GLRX5: variants seen among roughly 807,000 people sequenced by gnomAD.
GLRX5 encodes glutaredoxin-related protein 5, mitochondrial.
GLRX5 carries 10 observed loss-of-function variants against 13.8 expected under a neutral mutation model. That is an observed-to-expected ratio of 0.72 (90% CI 0.45 to 1.23). GLRX5 has a LOEUF of 1.23. Among genes scored for constraint, GLRX5 ranks in the 50% most tolerant of loss-of-function variants. The probability of loss-of-function intolerance (pLI) is 0.00; values close to 1 mark genes in which losing one functional copy is unlikely to be tolerated. For synonymous variants in GLRX5, 98 were observed against 101.1 expected (o/e 0.97, Z 0.18); for missense variants, 233 against 215.2 (o/e 1.08, Z -0.52).
At chr14:95,537,572 A>G (rs1891402761) in intron 1 of GLRX5, among the ~76,000 whole-genome samples, 1 of 152,234 alleles carries the variant, frequency 6.6e-6, no homozygotes, top group Non-Finnish European at 1.5e-5. Flanking sequence ...TCTTCCCTAT[A>G]CAGCTTTATT....
chr14:95,535,540 C>T (rs1480243026), intron 1 of GLRX5, among the ~76,000 whole-genome samples, 156 bp downstream of exon 1: 1 of 152,200 alleles, frequency 6.6e-6, no homozygotes, highest in Non-Finnish European at 1.5e-5. Context: ...GGAGTACTGC[C>T]CTGGAGTAGA....
chr14:95,543,240 A>G (rs908264393), intron 1 of GLRX5: 6 of 454,072 alleles, frequency 1.3e-5, no homozygotes, highest in Non-Finnish European at 2.7e-5. Flanking sequence ...CTCATCATCC[A>G]CTCCACAGAG....
intron 1 of GLRX5, among the ~76,000 whole-genome samples, chr14:95,537,395 G>T (rs1176650820): frequency 6.6e-6 from 1 of 152,210 alleles, no homozygotes; most frequent in Admixed American, 6.5e-5. Context: ...TCATCAGATT[G>T]CTATTTTGGT....
intron 1 of GLRX5, among the ~76,000 whole-genome samples, chr14:95,539,561 T>G (rs1444169496): frequency 6.6e-6 from 1 of 152,202 alleles, no homozygotes; most frequent in Non-Finnish European, 1.5e-5. Flanking sequence ...CAGATATGTG[T>G]GCAGTGCACT....
intron 1 of GLRX5, chr14:95,543,035 C>G (rs1166363672): frequency 4.4e-6 from 2 of 455,960 alleles, no homozygotes; most frequent in East Asian, 6.9e-5. Context: ...CACAGAGTGT[C>G]CCTCATCTCA....
rs764758233 is a variant in GLRX5 at position 95,535,317 on chromosome 14, C to G, written c.228C>G (p.Ile76Met). ...QCGFSNAVVQILRLHGVRDYA... is the reference protein window; with the variant it reads ...QCGFSNAVVQMLRLHGVRDYA... ...GCTTCAGCAACGCCGTGGTGCAGATCCTGCGGCTGCACGGCGTCCGCGATT... is the reference window on the plus strand; with the variant it reads ...GCTTCAGCAACGCCGTGGTGCAGATGCTGCGGCTGCACGGCGTCCGCGATT... The change falls in exon 1 of 2, where the codon ATC becomes ATG. Residue 76 changes from isoleucine to methionine, a missense_variant. By Grantham distance (10) the Ile-to-Met change is conservative. Transcript: ENST00000331334. The G allele has an allele frequency of 3.2e-6, 5 of 1,556,896 alleles. No homozygotes were observed. The South Asian group carries it at 5.9e-5, about 18-fold the overall frequency.
chr14:95,535,345 G>T lies in GLRX5; in HGVS notation c.256G>T (p.Ala86Ser). 1.9e-6 allele frequency: 3 copies of T among 1,553,708 alleles called. No homozygotes were observed. Among genetic ancestry groups the T allele is most frequent in the Middle Eastern group, 3.4e-4 (2 of 5,898 alleles). The change falls in exon 1 of 2, where the codon GCG becomes TCG. Residue 86 changes from alanine (A) to serine (S), a missense_variant. Coordinates refer to ENST00000331334, the MANE Select transcript of GLRX5 (RefSeq NM_016417.3). ...GCGGCTGCACGGCGTCCGCGATTACGCGGCCTACAACGTGCTGGACGACCC... is the reference window on the plus strand; with the variant it reads ...GCGGCTGCACGGCGTCCGCGATTACTCGGCCTACAACGTGCTGGACGACCC... ...ILRLHGVRDY[A>S]AYNVLDDPEL... is the part of the protein sequence containing the mutation.
chr14:95,544,183 C>A lies in GLRX5; in HGVS notation c.*58C>A. 1 of 1,475,470 alleles carries A rather than the reference C, an allele frequency of 6.8e-7. No individual in the cohort carries two copies. Among genetic ancestry groups the A allele is most frequent in the East Asian group, 2.3e-5 (1 of 42,920 alleles). The allele number at this position is 1,475,470 out of a possible 1,614,324, so 91.4% of individuals were successfully genotyped here. A position where few individuals can be genotyped will look rare whatever the true frequency, so the allele number is the denominator to read the frequency against. On this transcript the variant is annotated 3_prime_UTR_variant, in exon 2 of 2. Transcript: ENST00000331334. ...GCCGTTCATGTCAGAGACTCACTGC[C>A]AGAAAAGCCTTACCCATTTTGGTTT...
intron 1 of GLRX5, among the ~76,000 whole-genome samples, chr14:95,537,915 A>T (rs947438040): frequency 4.6e-5 from 7 of 152,248 alleles, no homozygotes; most frequent in African/African-American, 7.2e-5. Context: ...GAGTGCACAC[A>T]GAAGACAGTC....
intron 1 of GLRX5, among the ~76,000 whole-genome samples, chr14:95,537,139 A>G (rs1891394951): frequency 6.6e-6 from 1 of 152,198 alleles, no homozygotes; most frequent in Non-Finnish European, 1.5e-5. Context: ...TATCTCGCTT[A>G]GTATCATGTT....
Position 95,544,078 on chromosome 14 carries a change from AT to A in GLRX5, c.428del (p.Ile143ThrfsTer6). The part of the protein sequence containing the change: ...DLVEELKKLG[I>X]HSALLDEKKD... ...GGTGGAAGAACTGAAAAAGCTGGGG[AT>A]CCACTCCGCCCTTTTAGATGAAAAG... On this transcript the variant is annotated frameshift_variant, in exon 2 of 2. Coordinates refer to ENST00000331334, the MANE Select transcript of GLRX5 (RefSeq NM_016417.3). LOFTEE classifies it high-confidence loss of function. The A allele has an allele frequency of 6.2e-7, 1 of 1,614,144 alleles. No individual in the cohort carries two copies. Among genetic ancestry groups the A allele is most frequent in the South Asian group, 1.1e-5 (1 of 91,086 alleles).
intron 1 of GLRX5, among the ~76,000 whole-genome samples, chr14:95,540,315 G>T (rs1034879073): frequency 4.6e-5 from 7 of 152,172 alleles, no homozygotes; most frequent in African/African-American, 1.4e-4. Flanking sequence ...GAGCATGTTG[G>T]TATGGAGAGA....
chr14:95,541,441 A>G (rs897368472), intron 1 of GLRX5, among the ~76,000 whole-genome samples: 1 of 152,346 alleles, frequency 6.6e-6, no homozygotes, highest in Non-Finnish European at 1.5e-5. Flanking sequence ...AAGGGTGCCA[A>G]CGTTTGGCCT....
chr14:95,535,460 C>T (rs1891354619), intron 1 of GLRX5, 76 bp downstream of exon 1: 1 of 1,390,006 alleles, frequency 7.2e-7, no homozygotes, highest in Non-Finnish European at 9.8e-7. Context: ...AGGGGTTCCG[C>T]CGCGCCGGGC....
chr14:95,537,293 C>T (rs1052695001), intron 1 of GLRX5, among the ~76,000 whole-genome samples: 4 of 152,054 alleles, frequency 2.6e-5, no homozygotes, highest in Non-Finnish European at 4.4e-5. Context: ...GTCTTTTATC[C>T]ACGTCTGGTG....
chr14:95,536,951 A>G (rs980602392), intron 1 of GLRX5, among the ~76,000 whole-genome samples: 2 of 152,140 alleles, frequency 1.3e-5, no homozygotes, highest in African/African-American at 4.8e-5. Flanking sequence ...GTCAACTAGT[A>G]TGCCACCAGT....
In GLRX5 at chr14:95,535,303, G is replaced by C; in HGVS notation, c.214G>C (p.Ala72Pro). 6.4e-7 allele frequency: 1 copy of C among 1,561,344 alleles called. No individual in the cohort carries two copies. The highest frequency in any genetic ancestry group is 1.3e-5 in the African/African-American group (1 of 74,220). The part of the protein sequence containing the change: ...PEQPQCGFSN[A>P]VVQILRLHGV... ...GCAGCCCCAGTGCGGCTTCAGCAACGCCGTGGTGCAGATCCTGCGGCTGCA... is the reference window on the plus strand; with the variant it reads ...GCAGCCCCAGTGCGGCTTCAGCAACCCCGTGGTGCAGATCCTGCGGCTGCA... Residue 72 changes from alanine to proline, a missense_variant, in exon 1 of 2, where the codon GCC (alanine) becomes CCC (proline). Ala to Pro is a conservative substitution (Grantham distance 27). Coordinates refer to ENST00000331334, the MANE Select transcript of GLRX5 (RefSeq NM_016417.3).
chr14:95,535,104 C>G lies in GLRX5; in HGVS notation c.15C>G (p.Leu5=), dbSNP rs1170456814. Residue 5 remains leucine (L), a synonymous_variant, in exon 1 of 2, where the codon CTC becomes CTG. Transcript: ENST00000331334. The part of the protein sequence containing the change: MSGS[L]GRAAAALLRW... ...TGCGTGCGGAGATGAGCGGGTCCCTCGGCCGAGCTGCGGCGGCTCTGCTCC... is the reference window on the plus strand; with the variant it reads ...TGCGTGCGGAGATGAGCGGGTCCCTGGGCCGAGCTGCGGCGGCTCTGCTCC... 1 of 1,315,216 alleles carries G rather than the reference C, an allele frequency of 7.6e-7. No individual in the cohort carries two copies. Among genetic ancestry groups the G allele is most frequent in the Non-Finnish European group, 9.8e-7 (1 of 1,019,106 alleles). 81.5% of individuals were successfully genotyped at this position (1,315,216 alleles called of 1,614,324 possible).
intron 1 of GLRX5, 146 bp downstream of exon 1, chr14:95,535,530 G>A: frequency 1.3e-6 from 1 of 742,882 alleles, no homozygotes; most frequent in Non-Finnish European, 2.2e-6. Flanking sequence ...GTTAGGGCGA[G>A]GAGTACTGCC....
Sources: allele counts gnomAD v4.1 joint callset (sites outside exome capture counted in the v4.1 genomes callset), GRCh38; gene constraint gnomAD v4.1.1; transcripts MANE v1.5; gene names NCBI Gene and HGNC (gene_info 2026-07-23, HGNC 2026-07-21).